The following KCNIP4 variants were observed in gnomAD, a reference collection of about 807,000 sequenced individuals.
The protein encoded by KCNIP4 is potassium voltage-gated channel interacting protein 4.
A neutral mutation model predicts 34.0 loss-of-function variants in KCNIP4; 12 were observed. The ratio of observed to expected loss-of-function variants is 0.35; its 90% confidence interval spans 0.23 to 0.57. The LOEUF is 0.57. Ranked by LOEUF, KCNIP4 falls within the 20% of genes least tolerant of loss-of-function variation. The probability of loss-of-function intolerance (pLI) is 0.83; values close to 1 mark genes in which losing one functional copy is unlikely to be tolerated. For synonymous variants in KCNIP4, 124 were observed against 102.2 expected, an observed-to-expected ratio of 1.21 and a Z score of -1.29; for missense variants, 238 against 311.7, an observed-to-expected ratio of 0.76 and a Z score of 1.78.
At chr4:21,336,395 C>T (rs1716184267) in intron 1 of KCNIP4, among the ~76,000 whole-genome samples, 1 of 152,058 alleles carries the variant, frequency 6.6e-6, no homozygotes, top group Non-Finnish European at 1.5e-5. Context: ...TTTCCAGATA[C>T]TGAGAAATGA....
At chr4:21,633,684 CA>C (rs1239304426) in intron 1 of KCNIP4, among the ~76,000 whole-genome samples, 2 of 152,006 alleles carry the variant, frequency 1.3e-5, no homozygotes, top group Admixed American at 6.6e-5. Context: ...TTGACACTTT[CA>C]AAAATTATCA....
At chr4:21,214,360 T>C (rs775048874) in intron 1 of KCNIP4, among the ~76,000 whole-genome samples, 17 of 152,174 alleles carry the variant, frequency 1.1e-4, no homozygotes, top group Non-Finnish European at 2.2e-4. Flanking sequence ...CTTTCTTTTG[T>C]TGTGTTCTTT....
chr4:21,654,421 C>T (rs535048812), intron 1 of KCNIP4, among the ~76,000 whole-genome samples: 174 of 152,286 alleles, frequency 1.1e-3, no homozygotes, highest in Non-Finnish European at 1.7e-3. Context: ...TAGATGCATT[C>T]ACCTAGGAAA....
intron 1 of KCNIP4, among the ~76,000 whole-genome samples, chr4:21,506,441 C>T (rs1733851805): frequency 6.6e-6 from 1 of 152,184 alleles, no homozygotes; most frequent in Non-Finnish European, 1.5e-5. Flanking sequence ...TAAAACAATA[C>T]ATGGCACCTA....
chr4:20,846,940 T>C lies in KCNIP4; in HGVS notation c.288+3603A>G, dbSNP rs546235020. ...CATAGTAGCCACTATTTTTAATTTGTAAAGCTCCCCAGATGGTTGCAACGT... is the reference window on the plus strand; with the variant it reads ...CATAGTAGCCACTATTTTTAATTTGCAAAGCTCCCCAGATGGTTGCAACGT... On this transcript the variant is annotated intron_variant, in intron 3 of 8. Transcript: ENST00000382152. 1.2e-4 allele frequency among the ~76,000 whole-genome samples: 18 copies of C among 152,324 alleles called. No individual in the cohort carries two copies. In the South Asian group the frequency reaches 3.5e-3, roughly 30 times the overall value.
In KCNIP4 at chr4:21,778,224, C is replaced by CTTTTTTTTTTTTTTT. The variant is rs757351209; in HGVS notation, c.61+170346_61+170347insAAAAAAAAAAAAAAA. On this transcript the variant is annotated intron_variant, in intron 1 of 8. Transcript: ENST00000382152. Reference sequence around the variant, plus strand: ...TTATTTGTTTCTTTTTCCTTTTTTCCTTTTTTTTTTTCTTTTTTTTTTTTT... The same window carrying CTTTTTTTTTTTTTTT: ...TTATTTGTTTCTTTTTCCTTTTTTCCTTTTTTTTTTTTTTTTTTTTTTTTTTCTTTTTTTTTTTTT... 2.0e-5 allele frequency among the ~76,000 whole-genome samples: 2 copies of CTTTTTTTTTTTTTTT among 102,390 alleles called. 1 individual carries two copies. 67.2% of individuals were successfully genotyped at this position (102,390 alleles called of 152,430 possible).
At chr4:21,064,725 G>T (rs1744206047) in intron 1 of KCNIP4, among the ~76,000 whole-genome samples, 1 of 152,084 alleles carries the variant, frequency 6.6e-6, no homozygotes. Flanking sequence ...AAGGGCCAGG[G>T]ATTGGGCTAT....
chr4:21,723,816 C>A (rs893564056), intron 1 of KCNIP4, among the ~76,000 whole-genome samples: 3 of 152,046 alleles, frequency 2.0e-5, no homozygotes, highest in African/African-American at 7.2e-5. Flanking sequence ...ACAAATGAGT[C>A]TGGACTATGA....
chr4:21,476,422 T>C (rs1577425399), intron 1 of KCNIP4, among the ~76,000 whole-genome samples: 1 of 152,256 alleles, frequency 6.6e-6, no homozygotes, highest in South Asian at 2.1e-4. Flanking sequence ...GATGGGGCCA[T>C]AATCTCATAG....
At chr4:21,801,052 A>G (rs1720960543) in intron 1 of KCNIP4, among the ~76,000 whole-genome samples, 2 of 152,100 alleles carry the variant, frequency 1.3e-5, no homozygotes, top group African/African-American at 4.8e-5. Context: ...TCTCAGAAAA[A>G]TCAGGGAGGT....
intron 1 of KCNIP4, among the ~76,000 whole-genome samples, chr4:21,236,249 G>A (rs1759350959): frequency 6.6e-6 from 1 of 152,086 alleles, no homozygotes; most frequent in Non-Finnish European, 1.5e-5. Flanking sequence ...CTTATAAGAA[G>A]CAACCCAAAA....
At chr4:21,660,073 A>G (rs1394437067) in intron 1 of KCNIP4, among the ~76,000 whole-genome samples, 2 of 152,180 alleles carry the variant, frequency 1.3e-5, no homozygotes, top group African/African-American at 2.4e-5. Flanking sequence ...CTATCTATCA[A>G]TACTTTACCT....
intron 1 of KCNIP4, among the ~76,000 whole-genome samples, chr4:21,215,497 G>A (rs543028610): frequency 6.6e-6 from 1 of 152,132 alleles, no homozygotes; most frequent in Non-Finnish European, 1.5e-5. Context: ...TTTCTCAGAA[G>A]CCTTTCTGGA....
intron 1 of KCNIP4, among the ~76,000 whole-genome samples, chr4:21,752,889 C>G (rs1717247776): frequency 6.6e-6 from 1 of 152,174 alleles, no homozygotes; most frequent in African/African-American, 2.4e-5. Context: ...ATTGAGCTAT[C>G]ACATGCACAG....
At chr4:20,786,987 G>T (rs938536574) in intron 3 of KCNIP4, among the ~76,000 whole-genome samples, 2 of 152,046 alleles carry the variant, frequency 1.3e-5, no homozygotes, top group African/African-American at 4.8e-5. Context: ...TAAGCTGTAA[G>T]GTGCTCTATC....
At chr4:21,776,389 C>T (rs1253667650) in intron 1 of KCNIP4, among the ~76,000 whole-genome samples, 1 of 151,970 alleles carries the variant, frequency 6.6e-6, no homozygotes, top group Non-Finnish European at 1.5e-5. Flanking sequence ...CCATCTTGGC[C>T]CCGCCCCAGA....
intron 1 of KCNIP4, among the ~76,000 whole-genome samples, chr4:21,680,560 A>G (rs979672550): frequency 1.2e-4 from 18 of 152,326 alleles, no homozygotes; most frequent in African/African-American, 4.1e-4. Flanking sequence ...CAGAGGAATC[A>G]CTATCTATGA....
chr4:21,016,127 C>T (rs748932073), intron 1 of KCNIP4, among the ~76,000 whole-genome samples: 9 of 150,570 alleles, frequency 6.0e-5, no homozygotes, highest in Non-Finnish European at 1.2e-4. Flanking sequence ...TTCATTTGCA[C>T]GATACACCCT....
chr4:21,862,955 C>A (rs986819398), intron 1 of KCNIP4, among the ~76,000 whole-genome samples: 1 of 93,370 alleles, frequency 1.1e-5, no homozygotes, highest in Non-Finnish European at 2.5e-5. Flanking sequence ...AGTGAGACTC[C>A]GTCTCAAAAA....
Sources: allele counts gnomAD v4.1 joint callset (sites outside exome capture counted in the v4.1 genomes callset), GRCh38; gene constraint gnomAD v4.1.1; transcripts MANE v1.5; gene names NCBI Gene and HGNC (gene_info 2026-07-23, HGNC 2026-07-21).